VPS13D: variants seen among roughly 807,000 people sequenced by gnomAD.
The protein encoded by VPS13D is vacuolar protein sorting 13 homolog D, also known as intermembrane lipid transfer protein VPS13D.
Under a neutral mutation model 461.9 loss-of-function variants are expected in VPS13D, and 187 were observed. The ratio of observed to expected loss-of-function variants is 0.40; its 90% CI spans 0.36 to 0.46. The LOEUF (loss-of-function observed/expected upper bound fraction) is 0.46, where lower values mean the gene tolerates loss of function less well. Ranked by LOEUF, VPS13D falls within the 20% of genes least tolerant of loss-of-function variation. The pLI is 0.60. For synonymous variants in VPS13D, 1,951 were observed against 1,986.3 expected, an observed-to-expected ratio of 0.98 and a Z score of 0.47; for missense variants, 4,711 against 5,364.9, an observed-to-expected ratio of 0.88 and a Z score of 3.81.
chr1:12,476,296 T>A (rs1645630526), intron 67 of VPS13D, among the ~76,000 whole-genome samples: 1 of 152,172 alleles, frequency 6.6e-6, no homozygotes, highest in Non-Finnish European at 1.5e-5. Flanking sequence ...GGGCATTGAG[T>A]TTATAAGTTC....
At chr1:12,346,216 C>T (rs1283128717) in intron 43 of VPS13D, among the ~76,000 whole-genome samples, 3 of 152,202 alleles carry the variant, frequency 2.0e-5, no homozygotes, top group Non-Finnish European at 4.4e-5. Flanking sequence ...TCTTAGAAAA[C>T]ACTGTTGCAC....
Position 12,403,870 on chromosome 1 carries a change from A to G in VPS13D, c.11927A>G (p.Gln3976Arg), listed in dbSNP as rs1431126315. The G allele has an allele frequency of 1.9e-6, 3 of 1,611,566 alleles. No individual in the cohort carries two copies. The highest frequency in any genetic ancestry group is 2.5e-6 in the Non-Finnish European group (3 of 1,179,368). Reference protein sequence around the residue: ...DENLHEKTAEQGGTPIRYYFE... With the variant: ...DENLHEKTAERGGTPIRYYFE... ...AACCTCCATGAAAAGACAGCTGAGC[A>G]AGGTGGAACACCAATTCGATACTAC... The change falls in exon 63 of 70, where the codon CAA becomes CGA. Residue 3976 changes from glutamine to arginine, a missense_variant. By Grantham distance (43) the Gln-to-Arg change is conservative. Around this residue, in one of 3 missense-constraint regions of VPS13D, gnomAD observed 4,411 missense variants for 4,937.8 expected, o/e 0.89. Transcript: ENST00000620676.
intron 46 of VPS13D, among the ~76,000 whole-genome samples, chr1:12,349,610 C>T (rs545622751): frequency 1.5e-4 from 23 of 152,210 alleles, no homozygotes; most frequent in African/African-American, 5.5e-4. Flanking sequence ...GCTATTTACA[C>T]ATACAAGATT....
At chr1:12,252,681 A>C (rs914280561) in intron 6 of VPS13D, among the ~76,000 whole-genome samples, 2 of 151,610 alleles carry the variant, frequency 1.3e-5, no homozygotes, top group Non-Finnish European at 2.9e-5. Flanking sequence ...CTGAGGCAGG[A>C]GAATCGCTTG....
In VPS13D at chr1:12,246,079, G is replaced by A. The variant is rs370640896; in HGVS notation, c.447+1462G>A. ...AGAGCTGAGCTCCAGGCTGACTTGTGTGGAGGTAGCTGGGCCTTTTAAAGA... is the reference window on the plus strand; with the variant it reads ...AGAGCTGAGCTCCAGGCTGACTTGTATGGAGGTAGCTGGGCCTTTTAAAGA... On this transcript the variant is annotated intron_variant, in intron 5 of 69. Transcript: ENST00000620676. Among the ~76,000 whole-genome samples the A allele has an allele frequency of 2.0e-5, 3 of 152,344 alleles. No individual in the cohort carries two copies. The East Asian group carries it at 5.8e-4, about 29-fold the overall frequency.
intron 65 of VPS13D, among the ~76,000 whole-genome samples, chr1:12,442,081 A>G (rs2100345051): frequency 6.6e-6 from 1 of 152,316 alleles, no homozygotes; most frequent in East Asian, 1.9e-4. Flanking sequence ...TTTATCCTGT[A>G]TATTGGTACT....
At position 12,293,526 on chromosome 1, in the gene VPS13D, A is replaced by G; in HGVS notation, c.5855A>G (p.Tyr1952Cys). 1.3e-6 allele frequency: 2 copies of G among 1,594,998 alleles called. No individual in the cohort carries two copies. The highest frequency in any genetic ancestry group is 2.3e-5 in the East Asian group (1 of 44,100). Reference protein sequence around the residue: ...EEALIFQTFKYGRPDPLLRRE... With the variant: ...EEALIFQTFKCGRPDPLLRRE... ...CACACTTTTATCCTAATTTTTAGAT[A>G]CGGACGGCCTGACCCTCTGCTCCGG... is the stretch of plus-strand genomic sequence containing the variant. The change falls in exon 24 of 70, where the codon TAC (tyrosine) becomes TGC (cysteine). Residue 1952 changes from tyrosine (Y) to cysteine (C), a missense_variant and splice_region_variant. Coordinates refer to ENST00000620676, the MANE Select transcript of VPS13D (RefSeq NM_015378.4).
intron 65 of VPS13D, among the ~76,000 whole-genome samples, chr1:12,433,831 G>A (rs1645024010): frequency 6.6e-6 from 1 of 152,058 alleles, no homozygotes; most frequent in African/African-American, 2.4e-5. Flanking sequence ...CAACAGGCTG[G>A]TGTCAGAATG....
At chr1:12,393,420 A>C (rs1644454018) in intron 60 of VPS13D, among the ~76,000 whole-genome samples, 2 of 152,248 alleles carry the variant, frequency 1.3e-5, no homozygotes, top group South Asian at 4.1e-4. Context: ...ATGGAGAAAA[A>C]GGCATTTGCC....
At chr1:12,377,225 A>C (rs1644211491) in intron 55 of VPS13D, among the ~76,000 whole-genome samples, 1 of 150,418 alleles carries the variant, frequency 6.6e-6, no homozygotes, top group Non-Finnish European at 1.5e-5. Context: ...ACGCCCAGCT[A>C]ATTTTTGTAT....
At chr1:12,236,323 T>C (rs1292344935) in intron 2 of VPS13D, among the ~76,000 whole-genome samples, 4 of 152,132 alleles carry the variant, frequency 2.6e-5, no homozygotes, top group Admixed American at 2.6e-4. Context: ...TGCTTGTTCG[T>C]CTCTGACACA....
chr1:12,290,585 G>A (rs1181574702), intron 22 of VPS13D, among the ~76,000 whole-genome samples: 2 of 152,066 alleles, frequency 1.3e-5, no homozygotes, highest in Non-Finnish European at 2.9e-5. Context: ...AGTCAGGCAT[G>A]GTGGTGGGCA....
At chr1:12,448,894 G>A (rs2100371242) in intron 65 of VPS13D, among the ~76,000 whole-genome samples, 1 of 152,342 alleles carries the variant, frequency 6.6e-6, no homozygotes, top group South Asian at 2.1e-4. Flanking sequence ...AGAATAGCAA[G>A]AGAAACTTGC....
At chr1:12,506,525 T>G (rs949531475) in intron 68 of VPS13D, among the ~76,000 whole-genome samples, 1 of 152,226 alleles carries the variant, frequency 6.6e-6, no homozygotes, top group African/African-American at 2.4e-5. Flanking sequence ...CCCAGCTGCG[T>G]CTTCTCGCCC....
chr1:12,250,593 C>T (rs920723438), intron 6 of VPS13D, among the ~76,000 whole-genome samples: 2 of 152,226 alleles, frequency 1.3e-5, no homozygotes, highest in Non-Finnish European at 2.9e-5. Context: ...CCAACAATAA[C>T]AGTTTTGAGC....
rs1196866043 is a variant in VPS13D, at chr1:12,507,929, A to G, written c.13035+836A>G. 1.3e-5 allele frequency among the ~76,000 whole-genome samples: 2 copies of G among 152,256 alleles called. No homozygotes were observed. On this transcript the variant is annotated intron_variant, in intron 69 of 69. Transcript: ENST00000620676. This position sits in a 1 kb window ranked among gnomAD's most constrained non-coding sequence, Gnocchi z 5.3. ...TTTGAAGCTTGCATTCAAGAATGATACATTAATCAAAAGGGCCTGCCCACC... is the reference window on the plus strand; with the variant it reads ...TTTGAAGCTTGCATTCAAGAATGATGCATTAATCAAAAGGGCCTGCCCACC...
chr1:12,302,405 C>T (rs958828811), intron 25 of VPS13D, among the ~76,000 whole-genome samples: 2 of 152,170 alleles, frequency 1.3e-5, no homozygotes, highest in African/African-American at 4.8e-5. Context: ...TCAGATATAT[C>T]TATGTATGGG....
chr1:12,309,696 A>C (rs1279201371), intron 27 of VPS13D, among the ~76,000 whole-genome samples: 1 of 145,226 alleles, frequency 6.9e-6, no homozygotes, highest in Non-Finnish European at 1.5e-5. Context: ...AGGGAGGTGG[A>C]GGTTGCAGTG....
rs1316815188 is a variant in VPS13D at position 12,266,886 on chromosome 1, A to G, written c.1600A>G (p.Lys534Glu). Residue 534 changes from lysine (K) to glutamate (E), a missense_variant, in exon 14 of 70, where the codon AAA becomes GAA. Around this residue, in one of 3 missense-constraint regions of VPS13D, gnomAD observed 4,411 missense variants for 4,937.8 expected, o/e 0.89. Transcript: ENST00000620676. ...ATTTTATTTATCTTTTATAGATGTA[A>G]AACTTCTAGCAGAGTCTCTTCCTCG... is the stretch of plus-strand genomic sequence containing the variant. Reference protein sequence around the residue: ...AFMQLEFSDVKLLAESLPRRN... With the variant: ...AFMQLEFSDVELLAESLPRRN... 1.3e-6 allele frequency: 2 copies of G among 1,582,794 alleles called. No individual in the cohort carries two copies. Among genetic ancestry groups the G allele is most frequent in the Admixed American group, 3.8e-5 (2 of 51,968 alleles).
Sources: allele counts gnomAD v4.1 joint callset (sites outside exome capture counted in the v4.1 genomes callset), GRCh38; gene constraint gnomAD v4.1.1; regional missense constraint gnomAD v4.1.1; non-coding constraint Gnocchi (gnomAD v3.1); transcripts MANE v1.5; gene names NCBI Gene and HGNC (gene_info 2026-07-23, HGNC 2026-07-21).